Variants in ESPN observed in about 807,000 individuals in gnomAD.
ESPN encodes the protein espin.
In ESPN, 68 loss-of-function variants were observed where a neutral mutation model predicts 77.7. That is an observed-to-expected ratio of 0.87 (90% CI 0.72 to 1.07). ESPN has a LOEUF of 1.07. ESPN is among the 50% of genes least tolerant of loss of function. The pLI, the probability that ESPN is intolerant of heterozygous loss-of-function variation, is 0.00. For synonymous variants in ESPN, 449 were observed against 567.1 expected (o/e 0.79, Z 2.96); for missense variants, 1,060 against 1,239.0 (o/e 0.86, Z 2.17).
rs376807950 is a variant in ESPN at position 6,451,777 on chromosome 1, C to T, written c.2061+29C>T. The stretch of plus-strand genomic sequence containing the variant: ...GGCGGGCCCAGCAGGAGCCTGCGAC[C>T]CGGCTTCCCTGGCCCTAGGCCACCG... On this transcript the variant is annotated intron_variant, in intron 9 of 12. Transcript: ENST00000645284. The surrounding 1 kb of genome is among the most constrained non-coding windows in gnomAD (Gnocchi z 4.3). 11 of 1,610,354 alleles carry T rather than the reference C, an allele frequency of 6.8e-6. No homozygotes were observed. The highest frequency in any genetic ancestry group is 1.3e-5 in the African/African-American group (1 of 74,916).
At chr1:6,456,834 GC>G (rs1479375037) in intron 10 of ESPN, among the ~76,000 whole-genome samples, 1 of 152,206 alleles carries the variant, frequency 6.6e-6, no homozygotes, top group Non-Finnish European at 1.5e-5. Flanking sequence ...CTGGGTGGGG[GC>G]TGGCTGGCAT....
At chr1:6,444,925 G>A (rs577654403) in intron 6 of ESPN, among the ~76,000 whole-genome samples, 58 of 152,238 alleles carry the variant, frequency 3.8e-4, no homozygotes, top group Admixed American at 8.5e-4. Context: ...CAAAGTCCAC[G>A]TGTGTCGCCC....
chr1:6,460,809 T>G lies in ESPN; in HGVS notation c.*663T>G. On this transcript the variant is annotated 3_prime_UTR_variant, in exon 13 of 13. Coordinates refer to ENST00000645284, the MANE Select transcript of ESPN (RefSeq NM_031475.3). ...CAGACCCACTCGCTGCCGGGACCCTTTCACTGCCCCGGTGGAGTGAATAGA... is the reference window on the plus strand; with the variant it reads ...CAGACCCACTCGCTGCCGGGACCCTGTCACTGCCCCGGTGGAGTGAATAGA... 1 of 210,098 alleles carries G rather than the reference T, an allele frequency of 4.8e-6. No homozygotes were observed. The highest frequency in any genetic ancestry group is 5.4e-5 in the Admixed American group (1 of 18,520). 13.0% of individuals were successfully genotyped at this position (210,098 alleles called of 1,614,324 possible).
rs539705011 is a variant in ESPN at position 6,433,616 on chromosome 1, A to AG, written c.488+5197_488+5198insG. Among the ~76,000 whole-genome samples, 564 of 151,936 alleles carry AG rather than the reference A, an allele frequency of 3.7e-3. 4 individuals carry two copies. The highest frequency in any genetic ancestry group is 0.013 in the African/African-American group (544 of 41,372). On this transcript the variant is annotated intron_variant, in intron 2 of 12. Transcript: ENST00000645284. ...AGCAAGAATCCATTTCAAAAAAAAA[A>AG]AAAAGAACAAGTCCCATCACAGGCT... is the stretch of plus-strand genomic sequence containing the variant.
At chr1:6,457,462 C>T (rs1644077777) in intron 12 of ESPN, 90 bp downstream of exon 12, 1 of 1,497,550 alleles carries the variant, frequency 6.7e-7, no homozygotes. Context: ...TTGAGTACAT[C>T]CTCCTGTCTC....
downstream of ESPN, chr1:6,461,096 C>T (rs1009434933): frequency 5.5e-6 from 3 of 541,530 alleles, no homozygotes; most frequent in South Asian, 1.5e-5. This position sits in a 1 kb window ranked among gnomAD's most constrained non-coding sequence, Gnocchi z 6.3. Context: ...TCGAATCCCT[C>T]GAGAAAAGTC....
chr1:6,453,173 C>T (rs1366970722), intron 10 of ESPN, among the ~76,000 whole-genome samples: 4 of 152,352 alleles, frequency 2.6e-5, no homozygotes, highest in East Asian at 1.9e-4. Context: ...GGATTACAGG[C>T]GTGAGCCACC....
chr1:6,428,061 C>A lies in ESPN; in HGVS notation c.295-165C>A, dbSNP rs180955761. 4.1e-4 allele frequency among the ~76,000 whole-genome samples: 62 copies of A among 152,296 alleles called. No homozygotes were observed. The highest frequency in any genetic ancestry group is 1.4e-3 in the African/African-American group (57 of 41,562). On this transcript the variant is annotated intron_variant, in intron 1 of 12. Coordinates refer to ENST00000645284, the MANE Select transcript of ESPN (RefSeq NM_031475.3). This position sits in a 1 kb window ranked among gnomAD's most constrained non-coding sequence, Gnocchi z 5.4. ...CAGAAGCAGGACTCAAACCCAGGAT[C>A]CGCTTGACCCAAAAAAAACATTGCT...
Position 6,451,524 on chromosome 1 carries a change from G to C in ESPN, c.1916-79G>C. The C allele has an allele frequency of 6.4e-7, 1 of 1,561,238 alleles. No individual in the cohort carries two copies. Among genetic ancestry groups the C allele is most frequent in the Non-Finnish European group, 8.7e-7 (1 of 1,149,168 alleles). On this transcript the variant is annotated intron_variant, in intron 8 of 12. Transcript: ENST00000645284. The surrounding 1 kb of genome is among the most constrained non-coding windows in gnomAD (Gnocchi z 4.3). ...CCCATCCAATCTTGGCTTAGGAAAG[G>C]GGCTGCAGAGGGGCGGGTGAGGGGT... is the stretch of plus-strand genomic sequence containing the variant.
Position 6,448,997 on chromosome 1 carries a change from G to C in ESPN, c.1821G>C (p.Pro607=). The change falls in exon 8 of 13, where the codon CCG becomes CCC. Residue 607 remains proline, a synonymous_variant. Transcript: ENST00000645284. ...PPPPPPPPPL[P]EAASSPPPAP... ...CCCCACCGCCGCCGCCGCCCCTGCC[G>C]GAGGCCGCGAGTTCGCCACCGCCGG... 20 of 1,452,252 alleles carry C rather than the reference G, an allele frequency of 1.4e-5. No individual in the cohort carries two copies. The highest frequency in any genetic ancestry group is 1.8e-5 in the Non-Finnish European group (20 of 1,108,058). The allele number at this position is 1,452,252 out of a possible 1,614,324, so 90.0% of individuals were successfully genotyped here. A position where few individuals can be genotyped will look rare whatever the true frequency, so the allele number is the denominator to read the frequency against.
In ESPN at chr1:6,444,602, G is replaced by T; in HGVS notation, c.1112G>T (p.Ser371Ile). The stretch of plus-strand genomic sequence containing the variant: ...GTCCAGCCGCTGAACTTTGACCTCA[G>T]CTCGCCTACCAGCACCCTCTCCAAC... ...VSVQPLNFDLSSPTSTLSNYD... is the reference protein window; with the variant it reads ...VSVQPLNFDLISPTSTLSNYD... The change falls in exon 6 of 13, where the codon AGC becomes ATC. Residue 371 changes from serine to isoleucine, a missense_variant. Transcript: ENST00000645284. 6.2e-7 allele frequency: 1 copy of T among 1,614,180 alleles called. No homozygotes were observed. Among genetic ancestry groups the T allele is most frequent in the Non-Finnish European group, 8.5e-7 (1 of 1,180,016 alleles).
intron 2 of ESPN, among the ~76,000 whole-genome samples, chr1:6,436,787 G>T (rs1004745699): frequency 6.6e-6 from 1 of 152,148 alleles, no homozygotes; most frequent in Non-Finnish European, 1.5e-5. Context: ...GATTCCAGGT[G>T]TGTGATGAGA....
rs187823305 is a variant in ESPN, at chr1:6,430,057, C to G, written c.488+1638C>G. Reference sequence around the variant, plus strand: ...TTGGGGTTGGGGGCTGGGGTACCCACTTAACCTCCTACCTTGGGGGTAGGG... The same window carrying G: ...TTGGGGTTGGGGGCTGGGGTACCCAGTTAACCTCCTACCTTGGGGGTAGGG... On this transcript the variant is annotated intron_variant, in intron 2 of 12. Coordinates refer to ENST00000645284, the MANE Select transcript of ESPN (RefSeq NM_031475.3). Among the ~76,000 whole-genome samples, 339 of 152,316 alleles carry G rather than the reference C, an allele frequency of 2.2e-3. 2 individuals carry two copies. Among genetic ancestry groups the G allele is most frequent in the Non-Finnish European group, 3.6e-3 (243 of 68,008 alleles).
chr1:6,446,356 A>G (rs1643840214), intron 7 of ESPN, among the ~76,000 whole-genome samples: 1 of 152,180 alleles, frequency 6.6e-6, no homozygotes, highest in Admixed American at 6.5e-5. Flanking sequence ...GCCAGGTGGA[A>G]GGTGCCAGTG....
At chr1:6,430,809 A>C (rs1643215967) in intron 2 of ESPN, among the ~76,000 whole-genome samples, 1 of 151,984 alleles carries the variant, frequency 6.6e-6, no homozygotes, top group Non-Finnish European at 1.5e-5. Context: ...GGCATCTCTC[A>C]GTTGGGAGGC....
chr1:6,445,559 CA>C (rs1643797398), intron 6 of ESPN, 104 bp from the exon 7 acceptor site: 1 of 1,324,662 alleles, frequency 7.5e-7, no homozygotes, highest in East Asian at 2.5e-5. Flanking sequence ...GCCCGGAGCC[CA>C]CCTTGCCCCT....
rs984559506 is a variant in ESPN at position 6,452,130 on chromosome 1, G to T, written c.2325+34G>T. On this transcript the variant is annotated intron_variant, in intron 10 of 12. Coordinates refer to ENST00000645284, the MANE Select transcript of ESPN (RefSeq NM_031475.3). ...GGCGGGGTGCCCAGGGAGCCCTGGGGTCTGCATCTGGATGCACAGCCCATC... is the reference window on the plus strand; with the variant it reads ...GGCGGGGTGCCCAGGGAGCCCTGGGTTCTGCATCTGGATGCACAGCCCATC... 5 of 1,515,510 alleles carry T rather than the reference G, an allele frequency of 3.3e-6. No homozygotes were observed. In the Admixed American group the frequency reaches 9.9e-5, roughly 30 times the overall value. 93.9% of individuals were successfully genotyped at this position (1,515,510 alleles called of 1,614,324 possible). A position where few individuals can be genotyped will look rare whatever the true frequency, so the allele number is the denominator to read the frequency against.
chr1:6,440,588 C>A, intron 3 of ESPN, 38 bp from the exon 4 acceptor site: 1 of 1,082,126 alleles, frequency 9.2e-7, no homozygotes, highest in Admixed American at 2.2e-5. Flanking sequence ...GGCCTGGCGC[C>A]CAGCCCCCGC....
Position 6,451,096 on chromosome 1 carries a change from G to A in ESPN, c.1916-507G>A, listed in dbSNP as rs1643936023. On this transcript the variant is annotated intron_variant, in intron 8 of 12. Coordinates refer to ENST00000645284, the MANE Select transcript of ESPN (RefSeq NM_031475.3). This position sits in a 1 kb window ranked among gnomAD's most constrained non-coding sequence, Gnocchi z 4.3. Reference sequence around the variant, plus strand: ...TCTGTGGGTGTGGTGGGGAGGGAGGGGACCAGGTGGGTACTGGCACTCTGG... The same window carrying A: ...TCTGTGGGTGTGGTGGGGAGGGAGGAGACCAGGTGGGTACTGGCACTCTGG... Among the ~76,000 whole-genome samples the A allele has an allele frequency of 6.6e-6, 1 of 152,184 alleles. No homozygotes were observed. Among genetic ancestry groups the A allele is most frequent in the Admixed American group, 6.5e-5 (1 of 15,284 alleles).
Sources: allele counts gnomAD v4.1 joint callset (sites outside exome capture counted in the v4.1 genomes callset), GRCh38; gene constraint gnomAD v4.1.1; non-coding constraint Gnocchi (gnomAD v3.1); transcripts MANE v1.5; gene names NCBI Gene and HGNC (gene_info 2026-07-23, HGNC 2026-07-21).